Variants in COQ2 observed in about 807,000 individuals in gnomAD.
COQ2 encodes 4-hydroxybenzoate polyprenyltransferase, mitochondrial.
COQ2 carries 25 observed loss-of-function variants against 35.7 expected under a neutral mutation model. That is an observed-to-expected ratio of 0.70 (90% CI 0.51 to 0.98). The LOEUF (loss-of-function observed/expected upper bound fraction) is 0.98. Ranked by LOEUF, COQ2 falls within the 50% of genes least tolerant of loss-of-function variation. The pLI, the probability that COQ2 is intolerant of heterozygous loss-of-function variation, is 0.00. For missense variants in COQ2, 488 were observed against 473.5 expected (o/e 1.03, Z -0.28); for synonymous variants, 206 against 186.2 (o/e 1.11, Z -0.86).
intron 4 of COQ2, among the ~76,000 whole-genome samples, chr4:83,270,955 C>T (rs967002563): frequency 1.3e-5 from 2 of 152,096 alleles, no homozygotes; most frequent in Admixed American, 6.5e-5. Flanking sequence ...ATAAAGAGAA[C>T]ATTCAATGAG....
chr4:83,265,815 C>G (rs370542776), intron 6 of COQ2, among the ~76,000 whole-genome samples: 1 of 151,924 alleles, frequency 6.6e-6, no homozygotes, highest in South Asian at 2.1e-4. Flanking sequence ...CAGGTGCACA[C>G]CACCATGCCC....
intron 1 of COQ2, 147 bp downstream of exon 1, chr4:83,284,365 C>T: frequency 7.1e-7 from 1 of 1,406,632 alleles, no homozygotes; most frequent in African/African-American, 1.5e-5. Context: ...TGATTCGCCC[C>T]AGGGCGCACG....
chr4:83,274,888 A>G (rs778602973), intron 2 of COQ2, among the ~76,000 whole-genome samples: 1 of 152,126 alleles, frequency 6.6e-6, no homozygotes, highest in African/African-American at 2.4e-5. Context: ...TGTCATTTCT[A>G]TTATTCTATC....
At chr4:83,272,510 CT>C (rs1735073212) in intron 3 of COQ2, among the ~76,000 whole-genome samples, 1 of 152,158 alleles carries the variant, frequency 6.6e-6, no homozygotes, top group African/African-American at 2.4e-5. Context: ...GTTTTATTCT[CT>C]TCCTTTTTTG....
In COQ2 at chr4:83,284,699, C is replaced by A; in HGVS notation, c.66G>T (p.Pro22=). ...GGGCGAAGGAGCGGCCCCGCCAGCC[C>A]GGCAGCCACGCCAGTGCCACAGCCC... ...GLRAVALAWL[P]GWRGRSFALA... is the part of the protein sequence containing the mutation. The change falls in exon 1 of 7, where the codon CCG becomes CCT. Residue 22 remains proline (P), a synonymous_variant. Transcript: ENST00000647002. 6.7e-7 allele frequency: 1 copy of A among 1,483,968 alleles called. No homozygotes were observed. The highest frequency in any genetic ancestry group is 1.3e-5 in the South Asian group (1 of 78,170). The allele number at this position is 1,483,968 out of a possible 1,614,324, so 91.9% of individuals were successfully genotyped here.
At chr4:83,275,907 A>T (rs1185103141) in intron 2 of COQ2, among the ~76,000 whole-genome samples, 3 of 150,888 alleles carry the variant, frequency 2.0e-5, no homozygotes, top group Non-Finnish European at 2.9e-5. Flanking sequence ...CTAAGCTACA[A>T]ATTTTTTAAA....
chr4:83,283,212 C>T (rs1735368715), intron 1 of COQ2: 1 of 940,558 alleles, frequency 1.1e-6, no homozygotes. Flanking sequence ...AAAGCAAGGC[C>T]TAATTCGGGT....
Position 83,264,217 on chromosome 4 carries a change from C to A in COQ2, c.1098G>T (p.Glu366Asp), listed in dbSNP as rs192641245. The A allele has an allele frequency of 2.0e-6, 3 of 1,481,510 alleles. No individual in the cohort carries two copies. Among genetic ancestry groups the A allele is most frequent in the African/African-American group, 1.4e-5 (1 of 71,114 alleles). The allele number at this position is 1,481,510 out of a possible 1,614,324, so 91.8% of individuals were successfully genotyped here. A position where few individuals can be genotyped will look rare whatever the true frequency, so the allele number is the denominator to read the frequency against. Reference protein sequence around the residue: ...KKTDKTKKGIENKIEN With the variant: ...KKTDKTKKGIDNKIEN ...TCATTCATTAATTTTCTATTTTATT[C>A]TCTATACCCTTCTTTGTTTTGTCTG... The change falls in exon 7 of 7, where the codon GAG becomes GAT. Residue 366 changes from glutamate to aspartate, a missense_variant. By Grantham distance (45) the Glu-to-Asp change is conservative. Coordinates refer to ENST00000647002, the MANE Select transcript of COQ2 (RefSeq NM_001358921.2).
intron 1 of COQ2, chr4:83,284,307 G>A (rs1735398268): frequency 1.0e-6 from 1 of 985,150 alleles, no homozygotes; most frequent in South Asian, 4.7e-5. Context: ...CACGGCAGCC[G>A]GCAGCCAAGC....
intron 3 of COQ2, among the ~76,000 whole-genome samples, chr4:83,272,772 T>C (rs1177675720): frequency 6.6e-6 from 1 of 152,206 alleles, no homozygotes; most frequent in Non-Finnish European, 1.5e-5. Context: ...GATGCAGTGT[T>C]ACTTTTCTAG....
intron 1 of COQ2, 27 bp from the exon 2 acceptor site, chr4:83,279,141 G>A (rs1330006095): frequency 2.6e-6 from 4 of 1,514,168 alleles, no homozygotes; most frequent in Admixed American, 2.5e-5. Context: ...AGACAAAAAA[G>A]GTACAAATTT....
In COQ2 at chr4:83,279,130, A is replaced by G. The variant is rs752089077; in HGVS notation, c.254-16T>C. 6.5e-7 allele frequency: 1 copy of G among 1,526,958 alleles called. No individual in the cohort carries two copies. Among genetic ancestry groups the G allele is most frequent in the South Asian group, 1.3e-5 (1 of 76,792 alleles). The allele number at this position is 1,526,958 out of a possible 1,614,324, so 94.6% of individuals were successfully genotyped here. A position where few individuals can be genotyped will look rare whatever the true frequency, so the allele number is the denominator to read the frequency against. On this transcript the variant is annotated splice_polypyrimidine_tract_variant and intron_variant, in intron 1 of 6. Coordinates refer to ENST00000647002, the MANE Select transcript of COQ2 (RefSeq NM_001358921.2). ...AGCCAGGTTCCTAAGCAAAAATAAA[A>G]AGACAAAAAAGGTACAAATTTAAGT... is the stretch of plus-strand genomic sequence containing the variant.
chr4:83,264,031 T>G lies in COQ2; in HGVS notation c.*168A>C. ...CAAATCCTGAAGAGTCCCTGGTTTC[T>G]GTGACAAGGGGGAATTTTGCTAGCA... On this transcript the variant is annotated 3_prime_UTR_variant, in exon 7 of 7. Transcript: ENST00000647002. 2.0e-6 allele frequency: 1 copy of G among 505,284 alleles called. No individual in the cohort carries two copies. 31.3% of individuals were successfully genotyped at this position (505,284 alleles called of 1,614,324 possible). A position where few individuals can be genotyped will look rare whatever the true frequency, so the allele number is the denominator to read the frequency against.
At chr4:83,281,438 G>A (rs1194272167) in intron 1 of COQ2, 1 of 152,156 alleles carries the variant, frequency 6.6e-6, no homozygotes, top group African/African-American at 2.4e-5. Flanking sequence ...TTACTGATAG[G>A]AATCTGTAGA....
intron 2 of COQ2, among the ~76,000 whole-genome samples, chr4:83,273,980 CAAAAAAAA>C (rs967781699): frequency 1.7e-4 from 5 of 29,068 alleles, no homozygotes; most frequent in Non-Finnish European, 6.9e-5. Context: ...GCTGTCTCTA[CAAAAAAAA>C]AAAAAAAAAA....
Position 83,273,537 on chromosome 4 carries a change from T to C in COQ2, c.501A>G (p.Leu167=), listed in dbSNP as rs188476963. The C allele has an allele frequency of 6.2e-7, 1 of 1,613,848 alleles. No individual in the cohort carries two copies. The highest frequency in any genetic ancestry group is 2.2e-5 in the East Asian group (1 of 44,878). The change falls in exon 3 of 7, where the codon CTA becomes CTG. Residue 167 remains leucine, a synonymous_variant. Transcript: ENST00000647002. The stretch of plus-strand genomic sequence containing the variant: ...ACAGAAGAACACCCAGTGCCAGGGT[T>C]AGCTGTCCCCCAAGAAAAACAAAGG... ...FQSFVFLGGQ[L]TLALGVLLCL...
intron 1 of COQ2, chr4:83,283,704 G>A: frequency 2.0e-6 from 2 of 985,340 alleles, no homozygotes; most frequent in Non-Finnish European, 2.4e-6. Context: ...TATCTCTATG[G>A]CCGGACAACG....
chr4:83,284,819 C>T (rs1231620437), upstream of COQ2: 11 of 1,565,346 alleles, frequency 7.0e-6, no homozygotes, highest in East Asian at 2.6e-4. Context: ...GGCAGGCATG[C>T]GCAGTGGCAC....
At chr4:83,277,725 T>C (rs761131511) in intron 2 of COQ2, among the ~76,000 whole-genome samples, 36 of 152,128 alleles carry the variant, frequency 2.4e-4, no homozygotes, top group Non-Finnish European at 4.4e-4. Flanking sequence ...ATCCCAGCAC[T>C]TTGGGAGGCC....
Sources: gnomAD v4.1 joint callset for allele counts (sites outside exome capture counted in the v4.1 genomes callset) on GRCh38, gnomAD v4.1.1 for gene constraint, MANE v1.5 for transcripts, NCBI Gene and HGNC (gene_info 2026-07-23, HGNC 2026-07-21) for gene names.